CCDC144A: variants seen among roughly 807,000 people sequenced by gnomAD.
The protein encoded by CCDC144A is coiled-coil domain containing 144A.
In CCDC144A, 41 loss-of-function variants were observed where a neutral mutation model predicts 143.8. The observed-to-expected ratio is 0.29, with a 90% CI of 0.22 to 0.37. CCDC144A has a LOEUF of 0.37. CCDC144A is among the 10% of genes least tolerant of loss of function. The pLI, the probability that CCDC144A is intolerant of heterozygous loss-of-function variation, is 1.00. For synonymous variants in CCDC144A, 242 were observed against 517.9 expected (o/e 0.47, Z 7.23); for missense variants, 637 against 1,488.8 (o/e 0.43, Z 9.41).
chr17:16,705,933 A>AT, intron 3 of CCDC144A: 1 of 160,182 alleles, frequency 6.2e-6, no homozygotes, highest in Admixed American at 5.8e-5. Flanking sequence ...CAAAAAAAAA[A>AT]CTAGCTGGGC....
chr17:16,710,583 T>G (rs1038937236), intron 5 of CCDC144A, among the ~76,000 whole-genome samples: 2 of 152,102 alleles, frequency 1.3e-5, no homozygotes, highest in African/African-American at 4.8e-5. Context: ...CTCCACTGTT[T>G]CTGTTGAATC....
At chr17:16,696,516 T>C (rs189559397) in intron 2 of CCDC144A, among the ~76,000 whole-genome samples, 3,479 of 143,964 alleles carry the variant, frequency 0.024, 118 homozygotes, top group African/African-American at 0.059. Flanking sequence ...TGCCTATGGT[T>C]CCAGCTACTC....
At position 16,734,756 on chromosome 17, in the gene CCDC144A, G is replaced by C; in HGVS notation, c.2485G>C (p.Ala829Pro). Residue 829 changes from alanine (A) to proline (P), a missense_variant, in exon 12 of 17, where the codon GCC (alanine) becomes CCC (proline). By Grantham distance (27) the Ala-to-Pro change is conservative (BLOSUM62 -1). Transcript: ENST00000399273. The part of the protein sequence containing the change: ...HEDCMLQEEI[A>P]LLRLEIDTIK... Reference sequence around the variant, plus strand: ...AGATTGCATGTTGCAGGAAGAAATTGCCTTGCTGAGACTGGAAATAGATAC... The same window carrying C: ...AGATTGCATGTTGCAGGAAGAAATTCCCTTGCTGAGACTGGAAATAGATAC... 7 of 1,587,466 alleles carry C rather than the reference G, an allele frequency of 4.4e-6. No individual in the cohort carries two copies. The highest frequency in any genetic ancestry group is 6.0e-6 in the Non-Finnish European group (7 of 1,169,340).
the CCDC144A span, among the ~76,000 whole-genome samples, chr17:16,679,956 A>C: frequency 6.6e-6 from 1 of 152,158 alleles, no homozygotes; most frequent in African/African-American, 2.4e-5. Flanking sequence ...CTTCTGTTAT[A>C]AAGAATTCTC....
chr17:16,772,084 A>G, intron 16 of CCDC144A, 65 bp downstream of exon 16: 1 of 1,149,302 alleles, frequency 8.7e-7, no homozygotes, highest in Non-Finnish European at 1.3e-6. Flanking sequence ...TAAACTGCAA[A>G]CGACATCCCT....
intron 2 of CCDC144A, among the ~76,000 whole-genome samples, chr17:16,697,612 C>T (rs1489703199): frequency 6.6e-6 from 1 of 152,288 alleles, no homozygotes; most frequent in Non-Finnish European, 1.5e-5. Flanking sequence ...CTCAGTTATT[C>T]ATTTAAAAAT....
chr17:16,758,981 C>A (rs1915230305), intron 12 of CCDC144A, among the ~76,000 whole-genome samples: 4 of 152,240 alleles, frequency 2.6e-5, no homozygotes, highest in South Asian at 4.1e-4. Flanking sequence ...CCTTAAGATG[C>A]GTATACCCTT....
At chr17:16,672,938 G>A in the CCDC144A span, among the ~76,000 whole-genome samples, 1 of 152,078 alleles carries the variant, frequency 6.6e-6, no homozygotes, top group Non-Finnish European at 1.5e-5. Flanking sequence ...ACAGATGATA[G>A]AGATATAGAT....
intron 5 of CCDC144A, among the ~76,000 whole-genome samples, chr17:16,710,958 A>C (rs1484198198): frequency 1.4e-5 from 2 of 145,858 alleles, no homozygotes; most frequent in Non-Finnish European, 3.0e-5. Context: ...GCTAAAGTAG[A>C]TTCTTATACT....
In CCDC144A at chr17:16,709,537, G is replaced by T. The variant is rs766701211; in HGVS notation, c.1480G>T (p.Glu494Ter). The T allele has an allele frequency of 6.2e-7, 1 of 1,611,482 alleles. No homozygotes were observed. The stretch of plus-strand genomic sequence containing the variant: ...AACATCAGAAGTATATCTACATGAA[G>T]AATTACAGCAAGACATGCAAAAGTT... ...DRTSEVYLHE[E>*]LQQDMQKFKN... The change falls in exon 5 of 17, where the codon GAA (glutamate) becomes TAA (stop). Residue 494 changes from glutamate (E) to a stop codon, truncating the protein, a stop_gained. Transcript: ENST00000399273. LOFTEE classifies it high-confidence loss of function.
the CCDC144A span, among the ~76,000 whole-genome samples, chr17:16,682,898 T>TG: frequency 5.2e-5 from 6 of 115,460 alleles, no homozygotes; most frequent in Admixed American, 9.0e-5. Flanking sequence ...TTTTTTTTTT[T>TG]TTTTTTTTTT....
Position 16,728,428 on chromosome 17 carries a change from T to C in CCDC144A, c.2105+688T>C, listed in dbSNP as rs8076630. 5.7e-3 allele frequency among the ~76,000 whole-genome samples: 872 copies of C among 152,306 alleles called. 10 individuals carry two copies. Among genetic ancestry groups the C allele is most frequent in the African/African-American group, 0.02 (826 of 41,562 alleles). On this transcript the variant is annotated intron_variant, in intron 9 of 16. Coordinates refer to ENST00000399273, the MANE Select transcript of CCDC144A (RefSeq NM_001382000.1). Reference sequence around the variant, plus strand: ...CAATATAGAATTATTGGTTGAAATATAGGAACTTTTTAAAAAGACCTTTGA... The same window carrying C: ...CAATATAGAATTATTGGTTGAAATACAGGAACTTTTTAAAAAGACCTTTGA...
chr17:16,724,787 A>ATTTTTTTTTTTTTTTTTTTTTTTTTTTT (rs760344292), intron 8 of CCDC144A, among the ~76,000 whole-genome samples: 1 of 35,068 alleles, frequency 2.9e-5, no homozygotes, highest in Non-Finnish European at 5.2e-5. Flanking sequence ...GATTAACTGA[A>ATTTTTTTTTTTTTTTTTTTTTTTTTTTT]TTTTTTTTTT....
At chr17:16,672,633 C>T in the CCDC144A span, among the ~76,000 whole-genome samples, 5 of 152,040 alleles carry the variant, frequency 3.3e-5, no homozygotes, top group South Asian at 6.3e-4. Context: ...ATGAACACAT[C>T]GAAACTCAAA....
Position 16,772,022 on chromosome 17 carries a change from A to T in CCDC144A, c.4141+3A>T, listed in dbSNP as rs1915840187. On this transcript the variant is annotated splice_donor_region_variant and intron_variant, in intron 16 of 16. Coordinates refer to ENST00000399273, the MANE Select transcript of CCDC144A (RefSeq NM_001382000.1). The stretch of plus-strand genomic sequence containing the variant: ...TGATCTAACTGCAGAAGTAGCAGGT[A>T]TGTTACCAAAATTTATGAATTAAAT... 2.6e-6 allele frequency: 4 copies of T among 1,530,834 alleles called. No homozygotes were observed. In the African/African-American group the frequency reaches 5.5e-5, roughly 21 times the overall value. The allele number at this position is 1,530,834 out of a possible 1,614,324, so 94.8% of individuals were successfully genotyped here.
At chr17:16,731,003 T>G (rs1254348275) in intron 9 of CCDC144A, among the ~76,000 whole-genome samples, 1 of 150,000 alleles carries the variant, frequency 6.7e-6, no homozygotes, top group Non-Finnish European at 1.5e-5. Context: ...CCCAGTTTTA[T>G]TCTAAATATG....
At chr17:16,719,395 A>T (rs530038230) in intron 6 of CCDC144A, among the ~76,000 whole-genome samples, 56 of 152,272 alleles carry the variant, frequency 3.7e-4, no homozygotes, top group African/African-American at 1.3e-3. Flanking sequence ...TTAGAAAAAA[A>T]TTGCAAGATT....
chr17:16,714,393 G>A (rs1010012061), intron 6 of CCDC144A, among the ~76,000 whole-genome samples: 4 of 152,118 alleles, frequency 2.6e-5, no homozygotes, highest in African/African-American at 4.8e-5. Flanking sequence ...TTGGGGTACC[G>A]ATATTCTTTC....
upstream of CCDC144A, among the ~76,000 whole-genome samples, chr17:16,686,774 AC>A (rs1910799685): frequency 6.6e-6 from 1 of 151,604 alleles, no homozygotes; most frequent in Non-Finnish European, 1.5e-5. Flanking sequence ...ACACACACAC[AC>A]ACACACACAC....
Sources: gnomAD v4.1 joint callset for allele counts (sites outside exome capture counted in the v4.1 genomes callset) on GRCh38, gnomAD v4.1.1 for gene constraint, MANE v1.5 for transcripts, NCBI Gene and HGNC (gene_info 2026-07-23, HGNC 2026-07-21) for gene names.